Variants in SPOPL observed in about 807,000 individuals in gnomAD.
The protein encoded by SPOPL is speckle type BTB/POZ protein like.
In SPOPL, 23 loss-of-function variants were observed where a neutral mutation model predicts 53.8. The observed-to-expected ratio is 0.43, with a 90% CI of 0.31 to 0.61. SPOPL has a LOEUF of 0.61. Among genes scored for constraint, SPOPL ranks in the 20% least tolerant of loss-of-function variants. The pLI is 0.12. For missense variants in SPOPL, 442 were observed against 466.9 expected, an observed-to-expected ratio of 0.95 and a Z score of 0.49; for synonymous variants, 164 against 149.7, an observed-to-expected ratio of 1.10 and a Z score of -0.70.
rs1274946322 is a variant in SPOPL, at chr2:138,570,633, A to G, written c.*1553A>G. ...TCACTGGAAAAAAACGCATATACCTATGTTTGCAAACATAACTATTCTTCA... is the reference window on the plus strand; with the variant it reads ...TCACTGGAAAAAAACGCATATACCTGTGTTTGCAAACATAACTATTCTTCA... On this transcript the variant is annotated 3_prime_UTR_variant, in exon 11 of 11. Transcript: ENST00000280098. The G allele has an allele frequency of 6.6e-6, 1 of 152,160 alleles. No individual in the cohort carries two copies. The highest frequency in any genetic ancestry group is 1.5e-5 in the Non-Finnish European group (1 of 68,018). 9.4% of individuals were successfully genotyped at this position (152,160 alleles called of 1,614,324 possible).
intron 1 of SPOPL, among the ~76,000 whole-genome samples, chr2:138,510,185 C>T (rs951253027): frequency 6.6e-6 from 1 of 152,164 alleles, no homozygotes; most frequent in Admixed American, 6.5e-5. Flanking sequence ...TATGAACAAC[C>T]TTATGCAGGT....
intron 1 of SPOPL, among the ~76,000 whole-genome samples, chr2:138,528,327 G>GGC (rs1471907666): frequency 6.6e-6 from 1 of 151,976 alleles, no homozygotes; most frequent in Non-Finnish European, 1.5e-5. Flanking sequence ...TTTTTCTTTG[G>GGC]GCCTCCTTGA....
intron 10 of SPOPL, among the ~76,000 whole-genome samples, chr2:138,565,906 T>C (rs1226428941): frequency 2.6e-5 from 4 of 152,062 alleles, no homozygotes; most frequent in African/African-American, 7.2e-5. Context: ...GCTCATTTTT[T>C]TGTATTTTTA....
chr2:138,541,878 C>G (rs1685079837), intron 1 of SPOPL, among the ~76,000 whole-genome samples: 1 of 152,064 alleles, frequency 6.6e-6, no homozygotes, highest in Non-Finnish European at 1.5e-5. Context: ...GCATTTAGTG[C>G]TATAAGTTTC....
At chr2:138,550,444 A>C in intron 2 of SPOPL, 39 bp from the exon 3 acceptor site, 1 of 1,596,356 alleles carries the variant, frequency 6.3e-7, no homozygotes, top group Non-Finnish European at 8.6e-7. Context: ...TAAAAGTATT[A>C]CCGTCATCAT....
rs542759205 is a variant in SPOPL at position 138,559,266 on chromosome 2, C to G, written c.659-16C>G. The G allele has an allele frequency of 6.1e-5, 99 of 1,612,166 alleles. No homozygotes were observed. The East Asian group carries it at 2.2e-3, about 35-fold the overall frequency. On this transcript the variant is annotated splice_polypyrimidine_tract_variant and intron_variant, in intron 6 of 10. Transcript: ENST00000280098. ...TGCATTTATGCATAAAATAATGATA[C>G]ATAATCTTGTTACAGCTCGATCTCC...
chr2:138,550,633 G>C (rs780526705), intron 3 of SPOPL, 29 bp downstream of exon 3: 1 of 1,578,594 alleles, frequency 6.3e-7, no homozygotes. Context: ...TTGAATTTTT[G>C]TTTTTTGTTT....
At chr2:138,535,555 C>CTTTTTTTTTTTT (rs539254466) in intron 1 of SPOPL, among the ~76,000 whole-genome samples, 16 of 86,924 alleles carry the variant, frequency 1.8e-4, no homozygotes, top group Middle Eastern at 7.8e-3. Flanking sequence ...ATTCTAGTAG[C>CTTTTTTTTTTTT]TTTTTTTTTT....
intron 1 of SPOPL, among the ~76,000 whole-genome samples, chr2:138,521,822 A>AC (rs1239919962): frequency 6.6e-6 from 1 of 152,124 alleles, no homozygotes; most frequent in Non-Finnish European, 1.5e-5. Context: ...TTGGAATAAG[A>AC]CCCCCCAAAA....
At chr2:138,508,456 T>C (rs1684260850) in intron 1 of SPOPL, among the ~76,000 whole-genome samples, 1 of 152,096 alleles carries the variant, frequency 6.6e-6, no homozygotes, top group African/African-American at 2.4e-5. Context: ...CTCAGCCTCC[T>C]GAGTAGCTGG....
At chr2:138,526,434 T>G (rs941665967) in intron 1 of SPOPL, among the ~76,000 whole-genome samples, 18 of 152,146 alleles carry the variant, frequency 1.2e-4, no homozygotes, top group Non-Finnish European at 1.5e-5. Context: ...CAAAATAATT[T>G]AGGGGAGTAT....
At chr2:138,551,697 T>TA (rs1260892209) in intron 4 of SPOPL, among the ~76,000 whole-genome samples, 1 of 152,070 alleles carries the variant, frequency 6.6e-6, no homozygotes, top group Admixed American at 6.6e-5. Flanking sequence ...CACATTCACA[T>TA]ACATTTTTAA....
chr2:138,538,901 T>C (rs1253839192), intron 1 of SPOPL, among the ~76,000 whole-genome samples: 1 of 151,978 alleles, frequency 6.6e-6, no homozygotes, highest in Non-Finnish European at 1.5e-5. Flanking sequence ...CTCCCCACTC[T>C]CCCCACCCCA....
At chr2:138,529,212 A>G (rs531175069) in intron 1 of SPOPL, among the ~76,000 whole-genome samples, 11 of 152,186 alleles carry the variant, frequency 7.2e-5, no homozygotes, top group Non-Finnish European at 1.3e-4. Context: ...TAGAAAGTAT[A>G]CTTGCAGAGA....
intron 1 of SPOPL, among the ~76,000 whole-genome samples, chr2:138,523,279 A>T (rs1684595727): frequency 6.6e-6 from 1 of 152,124 alleles, no homozygotes; most frequent in Non-Finnish European, 1.5e-5. Context: ...ATCTCATGAG[A>T]CTTACTGTCA....
At chr2:138,514,295 G>T (rs188333981) in intron 1 of SPOPL, among the ~76,000 whole-genome samples, 1 of 152,158 alleles carries the variant, frequency 6.6e-6, no homozygotes, top group African/African-American at 2.4e-5. Context: ...GCCCAGAAAG[G>T]CAGGACAACT....
At chr2:138,517,748 A>C (rs1181763467) in intron 1 of SPOPL, among the ~76,000 whole-genome samples, 1 of 151,122 alleles carries the variant, frequency 6.6e-6, no homozygotes, top group East Asian at 2.0e-4. Context: ...CAAAAAAAAA[A>C]AAAAAATCTG....
chr2:138,504,889 A>G (rs928360685), intron 1 of SPOPL, among the ~76,000 whole-genome samples: 2 of 152,226 alleles, frequency 1.3e-5, no homozygotes, highest in African/African-American at 4.8e-5. Flanking sequence ...GGCAGTTTAT[A>G]TATATTAACT....
rs895037823 is a variant in SPOPL, at chr2:138,568,820, C to T, written c.1035-116C>T. 113 of 1,026,164 alleles carry T rather than the reference C, an allele frequency of 1.1e-4. 1 individual carries two copies. In the African/African-American group the frequency reaches 1.8e-3, roughly 16 times the overall value. The allele number at this position is 1,026,164 out of a possible 1,614,324, so 63.6% of individuals were successfully genotyped here. A position where few individuals can be genotyped will look rare whatever the true frequency, so the allele number is the denominator to read the frequency against. ...TTAATAAAAGCAAATGATTTGAATA[C>T]ATAGGTAAAAAGTGTTCAAATATTT... On this transcript the variant is annotated intron_variant, in intron 10 of 10. Transcript: ENST00000280098.
Sources: allele counts gnomAD v4.1 joint callset (sites outside exome capture counted in the v4.1 genomes callset), GRCh38; gene constraint gnomAD v4.1.1; transcripts MANE v1.5; gene names NCBI Gene and HGNC (gene_info 2026-07-23, HGNC 2026-07-21).